GPT: variants seen among roughly 807,000 people sequenced by gnomAD.
GPT encodes the protein alanine aminotransferase 1.
A neutral mutation model predicts 51.4 loss-of-function variants in GPT; 60 were observed. The observed-to-expected ratio is 1.17, with a 90% confidence interval of 0.95 to 1.45. The LOEUF (loss-of-function observed/expected upper bound fraction) is 1.45, where lower values mean the gene tolerates loss of function less well. GPT is among the 40% of genes most tolerant of loss of function. The pLI is 0.00. For synonymous variants in GPT, 397 were observed against 303.1 expected, an observed-to-expected ratio of 1.31 and a Z score of -3.22; for missense variants, 853 against 704.0, an observed-to-expected ratio of 1.21 and a Z score of -2.40.
rs745562918 is a variant in GPT, at chr8:144,506,161, G to A, written c.956+30G>A. 2 of 1,604,156 alleles carry A rather than the reference G, an allele frequency of 1.2e-6. No individual in the cohort carries two copies. The highest frequency in any genetic ancestry group is 1.7e-6 in the Non-Finnish European group (2 of 1,175,880). ...GTGCGTACGAGGCGGGTGGGGGCTC[G>A]CGGGCCATGGCCAGGCCCTCCTCGC... is the stretch of plus-strand genomic sequence containing the variant. On this transcript the variant is annotated intron_variant, in intron 7 of 10. Coordinates refer to ENST00000394955, the MANE Select transcript of GPT (RefSeq NM_005309.3). The surrounding 1 kb of genome is among the most constrained non-coding windows in gnomAD (Gnocchi z 7.0).
rs752805176 is a variant in GPT, at chr8:144,506,617, G to A, written c.1248G>A (p.Pro416=). 3.8e-6 allele frequency: 6 copies of A among 1,560,960 alleles called. No individual in the cohort carries two copies. The highest frequency in any genetic ancestry group is 1.2e-5 in the South Asian group (1 of 85,294). ...NPVQGAMYSF[P]RVQLPPRAVE... ...TGCAGGGCGCCATGTACTCCTTCCC[G>A]CGCGTGCAGCTGCCCCCGCGGGCGG... Residue 416 remains proline (P), a synonymous_variant, in exon 9 of 11, where the codon CCG becomes CCA. Transcript: ENST00000394955. This position sits in a 1 kb window ranked among gnomAD's most constrained non-coding sequence, Gnocchi z 7.0.
Position 144,506,073 on chromosome 8 carries a change from T to C in GPT, c.898T>C (p.Tyr300His). 1 of 1,612,406 alleles carries C rather than the reference T, an allele frequency of 6.2e-7. No individual in the cohort carries two copies. Among genetic ancestry groups the C allele is most frequent in the Non-Finnish European group, 8.5e-7 (1 of 1,179,698 alleles). Residue 300 changes from tyrosine (Y) to histidine (H), a missense_variant, in exon 7 of 11, where the codon TAC (tyrosine) becomes CAC (histidine). Coordinates refer to ENST00000394955, the MANE Select transcript of GPT (RefSeq NM_005309.3). The surrounding 1 kb of genome is among the most constrained non-coding windows in gnomAD (Gnocchi z 7.0). ...GGTGCTCATGGAGATGGGGCCGCCC[T>C]ACGCCGGGCAGCAGGAGCTTGCCTC... ...KKVLMEMGPP[Y>H]AGQQELASFH...
chr8:144,506,679 GGGGTGGGCA>G lies in GPT; in HGVS notation c.1287+27_1287+35del. ...CAGGTCAGGCGGGGGCGGGGCCTGC[GGGGTGGGCA>G]GGGGGGGCCGGGCATCCCTCTCTGA... On this transcript the variant is annotated intron_variant, in intron 9 of 10. Transcript: ENST00000394955. This position sits in a 1 kb window ranked among gnomAD's most constrained non-coding sequence, Gnocchi z 7.0. 2 of 1,575,832 alleles carry G rather than the reference GGGGTGGGCA, an allele frequency of 1.3e-6. No individual in the cohort carries two copies. Among genetic ancestry groups the G allele is most frequent in the Non-Finnish European group, 1.7e-6 (2 of 1,160,822 alleles).
chr8:144,507,113 G>GGGGGGGGGGGGGGGGGGC lies in GPT; in HGVS notation c.*114_*115insGGGGGGGGGGGGGGGGCG. The GGGGGGGGGGGGGGGGGGC allele has an allele frequency of 9.8e-6, 5 of 512,006 alleles. No individual in the cohort carries two copies. Among genetic ancestry groups the GGGGGGGGGGGGGGGGGGC allele is most frequent in the Non-Finnish European group, 1.5e-5 (4 of 263,568 alleles). The allele number at this position is 512,006 out of a possible 1,614,324, so 31.7% of individuals were successfully genotyped here. A position where few individuals can be genotyped will look rare whatever the true frequency, so the allele number is the denominator to read the frequency against. On this transcript the variant is annotated 3_prime_UTR_variant, in exon 11 of 11. Transcript: ENST00000394955. ...ATGCCTGGCGGGGTGGGGTGGGGGG[G>GGGGGGGGGGGGGGGGGGC]GTGCTGGGCCCCTGCCTCTCTGCAG...
chr8:144,504,948 G>C, intron 3 of GPT, 50 bp from the exon 4 acceptor site: 1 of 1,612,912 alleles, frequency 6.2e-7, no homozygotes, highest in Non-Finnish European at 8.5e-7. Context: ...CCTTGGGAGG[G>C]CTGAGGAGAA....
chr8:144,503,375 ACT>A (rs1357725163), upstream of GPT, among the ~76,000 whole-genome samples: 1 of 151,610 alleles, frequency 6.6e-6, no homozygotes, highest in Non-Finnish European at 1.5e-5. Flanking sequence ...CTCGTTTCCT[ACT>A]CTCTCCTCCA....
chr8:144,506,821 C>T lies in GPT; in HGVS notation c.1378C>T (p.Arg460Trp), dbSNP rs766711055. The T allele has an allele frequency of 1.9e-5, 30 of 1,612,634 alleles. No individual in the cohort carries two copies. Among genetic ancestry groups the T allele is most frequent in the African/African-American group, 2.7e-5 (2 of 74,924 alleles). ...GGTGCCAGGGAGCGGCTTTGGGCAG[C>T]GGGAAGGCACCTACCACTTCCGGTG... ...CVVPGSGFGQ[R>W]EGTYHFRMTI... Residue 460 changes from arginine to tryptophan, a missense_variant, in exon 10 of 11, where the codon CGG becomes TGG. Coordinates refer to ENST00000394955, the MANE Select transcript of GPT (RefSeq NM_005309.3). The surrounding 1 kb of genome is among the most constrained non-coding windows in gnomAD (Gnocchi z 7.0).
At chr8:144,505,165 C>T in intron 4 of GPT, 34 bp downstream of exon 4, 1 of 1,612,836 alleles carries the variant, frequency 6.2e-7, no homozygotes, top group East Asian at 2.2e-5. Flanking sequence ...ACATTCCTGA[C>T]ACTGCAGAGG....
rs1416735347 is a variant in GPT, at chr8:144,506,601, C to T, written c.1232C>T (p.Ala411Val). Residue 411 changes from alanine to valine, a missense_variant, in exon 9 of 11, where the codon GCC (alanine) becomes GTC (valine). Transcript: ENST00000394955. This position sits in a 1 kb window ranked among gnomAD's most constrained non-coding sequence, Gnocchi z 7.0. Reference sequence around the variant, plus strand: ...ATCAGCTGCAACCCAGTGCAGGGCGCCATGTACTCCTTCCCGCGCGTGCAG... The same window carrying T: ...ATCAGCTGCAACCCAGTGCAGGGCGTCATGTACTCCTTCCCGCGCGTGCAG... ...PGISCNPVQG[A>V]MYSFPRVQLP... The T allele has an allele frequency of 6.4e-7, 1 of 1,566,842 alleles. No individual in the cohort carries two copies. Among genetic ancestry groups the T allele is most frequent in the Non-Finnish European group, 8.7e-7 (1 of 1,156,060 alleles).
Position 144,506,148 on chromosome 8 carries a change from C to A in GPT, c.956+17C>A, listed in dbSNP as rs200716831. ...CATGGGCGAGTGCGTGCGTACGAGGCGGGTGGGGGCTCGCGGGCCATGGCC... is the reference window on the plus strand; with the variant it reads ...CATGGGCGAGTGCGTGCGTACGAGGAGGGTGGGGGCTCGCGGGCCATGGCC... On this transcript the variant is annotated intron_variant, in intron 7 of 10. Coordinates refer to ENST00000394955, the MANE Select transcript of GPT (RefSeq NM_005309.3). The surrounding 1 kb of genome is among the most constrained non-coding windows in gnomAD (Gnocchi z 7.0). 7 of 1,608,188 alleles carry A rather than the reference C, an allele frequency of 4.4e-6. No homozygotes were observed. Among genetic ancestry groups the A allele is most frequent in the African/African-American group, 1.3e-5 (1 of 74,840 alleles).
upstream of GPT, chr8:144,503,824 T>G (rs1586770951): frequency 1.1e-5 from 2 of 180,386 alleles, no homozygotes; most frequent in Non-Finnish European, 1.2e-5. Flanking sequence ...GCCTCGGGGG[T>G]CCCTCCTTGC....
At position 144,505,390 on chromosome 8, in the gene GPT, T is replaced by G; in HGVS notation, c.640T>G (p.Trp214Gly). ...TTACTACCTGGACGAGGAGCGTGCC[T>G]GGGCGCTGGACGTGGCCGAGCTTCA... ...VDYYLDEERA[W>G]ALDVAELHRA... is the part of the protein sequence containing the mutation. The change falls in exon 5 of 11, where the codon TGG becomes GGG. Residue 214 changes from tryptophan (W) to glycine (G), a missense_variant. Coordinates refer to ENST00000394955, the MANE Select transcript of GPT (RefSeq NM_005309.3). The G allele has an allele frequency of 6.3e-7, 1 of 1,594,840 alleles. No homozygotes were observed. Among genetic ancestry groups the G allele is most frequent in the Non-Finnish European group, 8.5e-7 (1 of 1,172,154 alleles).
chr8:144,506,695 GCC>G lies in GPT; in HGVS notation c.1288-35_1288-34del. The G allele has an allele frequency of 6.7e-7, 1 of 1,498,280 alleles. No individual in the cohort carries two copies. 92.8% of individuals were successfully genotyped at this position (1,498,280 alleles called of 1,614,324 possible). The stretch of plus-strand genomic sequence containing the variant: ...GGGGCCTGCGGGGTGGGCAGGGGGG[GCC>G]GGGCATCCCTCTCTGACGGCTCTCC... On this transcript the variant is annotated intron_variant, in intron 9 of 10. Transcript: ENST00000394955. This position sits in a 1 kb window ranked among gnomAD's most constrained non-coding sequence, Gnocchi z 7.0.
In GPT at chr8:144,505,921, G is replaced by C; in HGVS notation, c.813G>C (p.Ala271=). The C allele has an allele frequency of 1.2e-6, 2 of 1,607,692 alleles. No individual in the cohort carries two copies. The highest frequency in any genetic ancestry group is 1.7e-6 in the Non-Finnish European group (2 of 1,177,852). Residue 271 remains alanine, a synonymous_variant, in exon 6 of 11, where the codon GCG becomes GCC. Transcript: ENST00000394955. ...TCGAAGAGCGGCTCTTTCTGCTGGC[G>C]GACGAGGTGCGCGGCGCGGGGGAGC... ...FAFEERLFLL[A]DEVYQDNVYA...
At chr8:144,504,550 G>A (rs1826689796) in intron 1 of GPT, 54 bp from the exon 2 acceptor site, 3 of 1,609,978 alleles carry the variant, frequency 1.9e-6, no homozygotes, top group South Asian at 1.1e-5. Context: ...ATGGGACAAG[G>A]GCTGAGGGGT....
chr8:144,504,467 G>T lies in GPT; in HGVS notation c.162+1G>T. On this transcript the variant is annotated splice_donor_variant, in intron 1 of 10. Coordinates refer to ENST00000394955, the MANE Select transcript of GPT (RefSeq NM_005309.3). LOFTEE classifies it high-confidence loss of function. Reference sequence around the variant, plus strand: ...GGAGCTGGAGCAGGAGCTGCGCCAGGTATGGCCCAGGGCCCCTCGCTGCCC... The same window carrying T: ...GGAGCTGGAGCAGGAGCTGCGCCAGTTATGGCCCAGGGCCCCTCGCTGCCC... The T allele has an allele frequency of 1.2e-6, 2 of 1,609,194 alleles. No individual in the cohort carries two copies. Among genetic ancestry groups the T allele is most frequent in the Admixed American group, 1.7e-5 (1 of 59,816 alleles).
chr8:144,506,826 A>C lies in GPT; in HGVS notation c.1383A>C (p.Glu461Asp). 1 of 1,612,756 alleles carries C rather than the reference A, an allele frequency of 6.2e-7. No individual in the cohort carries two copies. The highest frequency in any genetic ancestry group is 8.5e-7 in the Non-Finnish European group (1 of 1,179,970). Residue 461 changes from glutamate to aspartate, a missense_variant, in exon 10 of 11, where the codon GAA becomes GAC. Physicochemically the swap from Glu to Asp is conservative, Grantham distance 45. Coordinates refer to ENST00000394955, the MANE Select transcript of GPT (RefSeq NM_005309.3). The surrounding 1 kb of genome is among the most constrained non-coding windows in gnomAD (Gnocchi z 7.0). ...VVPGSGFGQREGTYHFRMTIL... is the reference protein window; with the variant it reads ...VVPGSGFGQRDGTYHFRMTIL... ...CAGGGAGCGGCTTTGGGCAGCGGGA[A>C]GGCACCTACCACTTCCGGTGAGGCC...
intron 6 of GPT, 28 bp from the exon 7 acceptor site, chr8:144,505,967 G>A (rs751595181): frequency 1.9e-6 from 3 of 1,612,098 alleles, no homozygotes; most frequent in South Asian, 1.1e-5. Flanking sequence ...GCAACAGTCC[G>A]CCCCCGTGAC....
upstream of GPT, among the ~76,000 whole-genome samples, chr8:144,503,286 C>T (rs1264394960): frequency 1.3e-5 from 2 of 152,130 alleles, no homozygotes; most frequent in Admixed American, 6.5e-5. Context: ...CGGTGCCCGA[C>T]GCTGGGGTGG....
Sources: gnomAD v4.1 joint callset for allele counts (sites outside exome capture counted in the v4.1 genomes callset) on GRCh38, gnomAD v4.1.1 for gene constraint, Gnocchi (gnomAD v3.1) non-coding constraint, MANE v1.5 for transcripts, NCBI Gene and HGNC (gene_info 2026-07-23, HGNC 2026-07-21) for gene names.